RBMS3: variants seen among roughly 807,000 people sequenced by gnomAD.
The protein encoded by RBMS3 is RNA-binding motif, single-stranded-interacting protein 3.
Under a neutral mutation model 66.8 loss-of-function variants are expected in RBMS3, and 27 were observed. That is an observed-to-expected ratio of 0.40 (90% CI 0.30 to 0.56). The LOEUF is 0.56. RBMS3 is among the 20% of genes least tolerant of loss of function. The probability of loss-of-function intolerance (pLI) is 0.40; values close to 1 mark genes in which losing one functional copy is unlikely to be tolerated. For missense variants in RBMS3, 513 were observed against 549.5 expected (o/e 0.93, Z 0.66); for synonymous variants, 188 against 183.0 (o/e 1.03, Z -0.22).
intron 12 of RBMS3, among the ~76,000 whole-genome samples, chr3:29,977,110 G>C (rs1697642705): frequency 6.6e-6 from 1 of 152,042 alleles, no homozygotes; most frequent in Non-Finnish European, 1.5e-5. Flanking sequence ...TTCCGGGTTT[G>C]ATGCGACCTG....
At chr3:29,898,889 C>T (rs561205918) in intron 9 of RBMS3, among the ~76,000 whole-genome samples, 3 of 151,572 alleles carry the variant, frequency 2.0e-5, no homozygotes, top group East Asian at 3.9e-4. Context: ...CTTGGGAGGG[C>T]TCATAAGTGG....
At chr3:30,001,381 C>G (rs961166661) in intron 14 of RBMS3, among the ~76,000 whole-genome samples, 1 of 151,822 alleles carries the variant, frequency 6.6e-6, no homozygotes, top group Admixed American at 6.6e-5. Context: ...TCGTTTGTTA[C>G]GTTCCAATAT....
chr3:29,476,589 A>G (rs2042955961), intron 2 of RBMS3, among the ~76,000 whole-genome samples: 1 of 152,202 alleles, frequency 6.6e-6, no homozygotes, highest in African/African-American at 2.4e-5. Flanking sequence ...ATGCATCTCA[A>G]AATTTAATAC....
At chr3:29,589,347 C>T (rs1036106751) in intron 4 of RBMS3, among the ~76,000 whole-genome samples, 1 of 152,064 alleles carries the variant, frequency 6.6e-6, no homozygotes, top group African/African-American at 2.4e-5. Context: ...GATTATTTTT[C>T]CTAGCCAGCA....
intron 4 of RBMS3, among the ~76,000 whole-genome samples, chr3:29,739,437 C>G (rs1254361069): frequency 7.7e-6 from 1 of 130,300 alleles, no homozygotes; most frequent in Non-Finnish European, 1.5e-5. Flanking sequence ...GCCTGGGCTA[C>G]AGAGCGAGAC....
At chr3:29,966,952 C>T (rs971401296) in intron 12 of RBMS3, among the ~76,000 whole-genome samples, 2 of 152,024 alleles carry the variant, frequency 1.3e-5, no homozygotes, top group African/African-American at 4.8e-5. Context: ...CAGATGACCA[C>T]GATTTTTGTT....
intron 4 of RBMS3, among the ~76,000 whole-genome samples, chr3:29,735,050 T>A (rs1405504205): frequency 6.6e-6 from 1 of 152,126 alleles, no homozygotes; most frequent in Admixed American, 6.5e-5. Flanking sequence ...AGTTTTAAAA[T>A]TGTGTTCTAC....
chr3:29,662,983 C>G (rs188256367), intron 4 of RBMS3, among the ~76,000 whole-genome samples: 1 of 152,238 alleles, frequency 6.6e-6, no homozygotes, highest in Admixed American at 6.5e-5. Context: ...AGAGGGAAGA[C>G]AGTAGAATCC....
intron 4 of RBMS3, among the ~76,000 whole-genome samples, chr3:29,590,482 A>C (rs570811464): frequency 6.6e-6 from 1 of 152,130 alleles, no homozygotes; most frequent in Non-Finnish European, 1.5e-5. Context: ...TTTAAAATAT[A>C]TAATAAGTAG....
chr3:29,396,420 A>C (rs1018233434), intron 1 of RBMS3, among the ~76,000 whole-genome samples: 1 of 152,200 alleles, frequency 6.6e-6, no homozygotes, highest in Non-Finnish European at 1.5e-5. Flanking sequence ...TATTATTATT[A>C]TGGGGTTAAA....
Position 29,729,269 on chromosome 3 carries a change from G to T in RBMS3, c.400-10451G>T, listed in dbSNP as rs2054022638. 2.0e-5 allele frequency among the ~76,000 whole-genome samples: 3 copies of T among 150,856 alleles called. No individual in the cohort carries two copies. In the South Asian group the frequency reaches 6.3e-4, roughly 32 times the overall value. ...TGGTTTTCTGTTCCTGTGTTAGTTT[G>T]CTGAAAATGGTTTCCAGCTTCATCC... On this transcript the variant is annotated intron_variant, in intron 4 of 14. Coordinates refer to ENST00000383767, the MANE Select transcript of RBMS3 (RefSeq NM_001003793.3).
intron 3 of RBMS3, among the ~76,000 whole-genome samples, chr3:29,512,259 A>T (rs2148957178): frequency 6.6e-6 from 1 of 152,238 alleles, no homozygotes; most frequent in Middle Eastern, 3.4e-3. Flanking sequence ...TTCTAAATAA[A>T]TATATCAAAG....
At chr3:29,372,322 C>G (rs898510154) in intron 1 of RBMS3, among the ~76,000 whole-genome samples, 60 of 151,782 alleles carry the variant, frequency 4.0e-4, no homozygotes, top group African/African-American at 1.4e-3. Context: ...GAGCAAGACT[C>G]TGTCTCAAAA....
chr3:29,554,777 G>A (rs1477190194), intron 3 of RBMS3, among the ~76,000 whole-genome samples: 1 of 152,138 alleles, frequency 6.6e-6, no homozygotes, highest in Non-Finnish European at 1.5e-5. Flanking sequence ...GGTACGGGTG[G>A]CTTATATGAG....
At chr3:29,907,520 A>C (rs1464103374) in intron 10 of RBMS3, among the ~76,000 whole-genome samples, 1 of 151,972 alleles carries the variant, frequency 6.6e-6, no homozygotes, top group Non-Finnish European at 1.5e-5. Flanking sequence ...TTATTGTATT[A>C]ATATATTTGT....
chr3:29,499,383 A>C (rs3773034), intron 3 of RBMS3, among the ~76,000 whole-genome samples: 5,748 of 152,226 alleles, frequency 0.038, 261 homozygotes, highest in East Asian at 0.25. Flanking sequence ...TACATAGCTG[A>C]AAAACAAAAC....
chr3:29,369,635 A>G (rs928830699), intron 1 of RBMS3, among the ~76,000 whole-genome samples: 2 of 152,056 alleles, frequency 1.3e-5, no homozygotes, highest in Non-Finnish European at 2.9e-5. Context: ...GGTTGAAATA[A>G]CATCAAGGAA....
intron 1 of RBMS3, among the ~76,000 whole-genome samples, chr3:29,315,582 C>T (rs1401568318): frequency 1.3e-5 from 2 of 151,490 alleles, no homozygotes; most frequent in Non-Finnish European, 3.0e-5. Flanking sequence ...CGGGCATTTG[C>T]GTGTGTGAGA....
intron 5 of RBMS3, among the ~76,000 whole-genome samples, chr3:29,755,613 A>G (rs6772537): frequency 0.48 from 73,287 of 152,024 alleles, 18,344 homozygotes; most frequent in African/African-American, 0.62. Context: ...AGCAACCACA[A>G]GGGTGTTTCC....
Sources: allele counts gnomAD v4.1 joint callset (sites outside exome capture counted in the v4.1 genomes callset), GRCh38; gene constraint gnomAD v4.1.1; transcripts MANE v1.5; gene names NCBI Gene and HGNC (gene_info 2026-07-23, HGNC 2026-07-21).